The following SGCD variants were observed in gnomAD, a reference collection of about 807,000 sequenced individuals.
SGCD encodes delta-sarcoglycan.
Under a neutral mutation model 36.6 loss-of-function variants are expected in SGCD, and 18 were observed. The observed-to-expected ratio is 0.49, with a 90% confidence interval of 0.34 to 0.73. SGCD has a LOEUF of 0.73. Among genes scored for constraint, SGCD ranks in the 30% least tolerant of loss-of-function variants. SGCD has a pLI of 0.01. For missense variants in SGCD, 387 were observed against 346.7 expected (o/e 1.12, Z -0.92); for synonymous variants, 133 against 130.6 (o/e 1.02, Z -0.12).
At chr5:156,071,099 A>T (rs201208720) in intron 1 of SGCD, among the ~76,000 whole-genome samples, 9,969 of 151,970 alleles carry the variant, frequency 0.066, 1,050 homozygotes, top group African/African-American at 0.22. Context: ...ATTCATTAAT[A>T]TTTTGAAGGG....
chr5:156,566,141 A>G (rs1023364883), intron 4 of SGCD, among the ~76,000 whole-genome samples: 4 of 152,220 alleles, frequency 2.6e-5, no homozygotes, highest in African/African-American at 4.8e-5. Context: ...CAAAACCACA[A>G]TGAGATAACA....
At chr5:156,591,106 C>T (rs1184307857) in intron 5 of SGCD, among the ~76,000 whole-genome samples, 1 of 152,054 alleles carries the variant, frequency 6.6e-6, no homozygotes, top group Non-Finnish European at 1.5e-5. Flanking sequence ...CTTCAATACT[C>T]TCCTTTTACA....
At chr5:156,267,680 G>A (rs1268039072) in intron 3 of SGCD, among the ~76,000 whole-genome samples, 1 of 151,448 alleles carries the variant, frequency 6.6e-6, no homozygotes, top group Non-Finnish European at 1.5e-5. Context: ...CTGCAAGAAT[G>A]AAACTGGTTT....
chr5:155,859,252 A>G, the SGCD span, among the ~76,000 whole-genome samples: 1 of 151,794 alleles, frequency 6.6e-6, no homozygotes, highest in Non-Finnish European at 1.5e-5. Flanking sequence ...TTATTTGTAG[A>G]GATGAGGTCT....
At chr5:156,010,650 C>G (rs1758841683) in intron 1 of SGCD, among the ~76,000 whole-genome samples, 1 of 152,122 alleles carries the variant, frequency 6.6e-6, no homozygotes, top group Non-Finnish European at 1.5e-5. Flanking sequence ...AAACATCATG[C>G]TAAGTGCTCT....
the SGCD span, among the ~76,000 whole-genome samples, chr5:155,856,099 G>A: frequency 1.3e-5 from 2 of 152,080 alleles, no homozygotes; most frequent in Non-Finnish European, 2.9e-5. Context: ...TGAAAAGGTA[G>A]CAATACAAAC....
intron 3 of SGCD, among the ~76,000 whole-genome samples, chr5:156,266,679 T>A (rs1387443024): frequency 1.3e-5 from 2 of 152,032 alleles, no homozygotes; most frequent in African/African-American, 4.8e-5. Flanking sequence ...GAAGGGGCTA[T>A]GTTTCCCAGG....
the SGCD span, among the ~76,000 whole-genome samples, chr5:155,811,079 A>G: frequency 6.6e-6 from 1 of 151,638 alleles, no homozygotes; most frequent in Non-Finnish European, 1.5e-5. Flanking sequence ...GGCCTCCCAA[A>G]GTGCTGGGAT....
At chr5:155,982,283 C>T (rs1758244614) in intron 1 of SGCD, among the ~76,000 whole-genome samples, 1 of 152,068 alleles carries the variant, frequency 6.6e-6, no homozygotes, top group South Asian at 2.1e-4. Flanking sequence ...AGTATTGCAT[C>T]CAGTGCAAGT....
At chr5:155,915,318 G>T (rs987917329) in intron 1 of SGCD, among the ~76,000 whole-genome samples, 1 of 151,968 alleles carries the variant, frequency 6.6e-6, no homozygotes, top group Non-Finnish European at 1.5e-5. Flanking sequence ...AAGGTTTTTC[G>T]TTCCCCAAGA....
chr5:155,763,612 A>G, the SGCD span, among the ~76,000 whole-genome samples: 1 of 152,186 alleles, frequency 6.6e-6, no homozygotes, highest in South Asian at 2.1e-4. Context: ...AAAAAACTAA[A>G]GCGACATCAA....
At chr5:156,268,661 C>T (rs750081920) in intron 3 of SGCD, among the ~76,000 whole-genome samples, 6 of 152,038 alleles carry the variant, frequency 3.9e-5, no homozygotes, top group Non-Finnish European at 7.4e-5. Flanking sequence ...GGTGCAACCT[C>T]GGCTCACTGT....
rs78621605 is a variant in SGCD, at chr5:156,489,499, T to G, written c.193-19102T>G. 7.0e-3 allele frequency among the ~76,000 whole-genome samples: 1,062 copies of G among 152,144 alleles called. 18 individuals are homozygous for G. The highest frequency in any genetic ancestry group is 0.024 in the African/African-American group (1,008 of 41,546). ...GTCACAAAACAAGTATCAACAATTG[T>G]TTTTTAAAAATCAAACATATCTTGC... is the stretch of plus-strand genomic sequence containing the variant. On this transcript the variant is annotated intron_variant, in intron 3 of 8. Transcript: ENST00000337851.
intron 3 of SGCD, among the ~76,000 whole-genome samples, chr5:156,369,848 G>A (rs964546860): frequency 1.3e-5 from 2 of 152,160 alleles, no homozygotes; most frequent in Admixed American, 6.5e-5. Context: ...GCACACCAGA[G>A]AAATTCCAAA....
intron 3 of SGCD, among the ~76,000 whole-genome samples, chr5:156,287,199 C>T (rs187092903): frequency 6.6e-6 from 1 of 152,250 alleles, no homozygotes; most frequent in East Asian, 1.9e-4. Context: ...TGCTGTGCAA[C>T]ATAATCTCTT....
Position 156,360,744 on chromosome 5 carries a change from G to C in SGCD, c.192+16067G>C, listed in dbSNP as rs141607240. On this transcript the variant is annotated intron_variant, in intron 3 of 8. Transcript: ENST00000337851. ...CTGTGAAAGACACAGCCTGACTTTG[G>C]GGGAAGACGACTCACCCTTCCCATC... 2.8e-4 allele frequency among the ~76,000 whole-genome samples: 42 copies of C among 152,104 alleles called. 1 individual carries two copies. The East Asian group carries it at 5.2e-3, about 19-fold the overall frequency.
chr5:156,235,027 A>T (rs1254337158), intron 3 of SGCD, among the ~76,000 whole-genome samples: 3 of 152,202 alleles, frequency 2.0e-5, no homozygotes, highest in Non-Finnish European at 2.9e-5. Context: ...TATGGTTCTG[A>T]AAGATTTTCT....
intron 1 of SGCD, among the ~76,000 whole-genome samples, chr5:156,082,774 C>T (rs1760992057): frequency 6.6e-6 from 1 of 152,074 alleles, no homozygotes; most frequent in Non-Finnish European, 1.5e-5. Context: ...GATAAACGTC[C>T]AGGAGCACAG....
intron 7 of SGCD, among the ~76,000 whole-genome samples, chr5:156,648,010 C>G (rs1763295859): frequency 6.6e-6 from 1 of 152,104 alleles, no homozygotes; most frequent in South Asian, 2.1e-4. Flanking sequence ...TTCAAATATT[C>G]ATAAATGTGC....
Sources: allele counts gnomAD v4.1 joint callset (sites outside exome capture counted in the v4.1 genomes callset), GRCh38; gene constraint gnomAD v4.1.1; transcripts MANE v1.5; gene names NCBI Gene and HGNC (gene_info 2026-07-23, HGNC 2026-07-21).